The following ADCY5 variants were observed in gnomAD, a reference collection of about 807,000 sequenced individuals.
The protein encoded by ADCY5 is adenylate cyclase type 5.
A neutral mutation model predicts 119.7 loss-of-function variants in ADCY5; 30 were observed. That is an observed-to-expected ratio of 0.25 (90% CI 0.19 to 0.34). The LOEUF (loss-of-function observed/expected upper bound fraction) is 0.34. ADCY5 is among the 10% of genes least tolerant of loss of function. The pLI, the probability that ADCY5 is intolerant of heterozygous loss-of-function variation, is 1.00. For missense variants in ADCY5, 1,324 were observed against 1,775.2 expected (o/e 0.75, Z 4.57); for synonymous variants, 753 against 762.2 (o/e 0.99, Z 0.20).
At chr3:123,340,899 C>T (rs1942249129) in intron 3 of ADCY5, among the ~76,000 whole-genome samples, 1 of 151,682 alleles carries the variant, frequency 6.6e-6, no homozygotes, top group Non-Finnish European at 1.5e-5. Context: ...CTGAGGCAGG[C>T]GGATCACCTG....
At chr3:123,384,944 C>G (rs139588506) in intron 1 of ADCY5, among the ~76,000 whole-genome samples, 104 of 152,190 alleles carry the variant, frequency 6.8e-4, no homozygotes, top group African/African-American at 2.4e-3. Context: ...CCTTGAAGTC[C>G]CTGGGACCCC....
intron 1 of ADCY5, among the ~76,000 whole-genome samples, chr3:123,401,678 A>G (rs1944757828): frequency 6.6e-6 from 1 of 152,060 alleles, no homozygotes; most frequent in Non-Finnish European, 1.5e-5. Context: ...CCTGAGTCCT[A>G]ATCTCCCTCC....
intron 1 of ADCY5, among the ~76,000 whole-genome samples, chr3:123,405,991 G>A (rs1576673520): frequency 1.3e-5 from 2 of 152,136 alleles, no homozygotes; most frequent in East Asian, 1.9e-4. Context: ...ACCCTGGAGG[G>A]ACCGACTGCT....
At chr3:123,354,801 T>G (rs1942981091) in intron 1 of ADCY5, among the ~76,000 whole-genome samples, 1 of 152,068 alleles carries the variant, frequency 6.6e-6, no homozygotes, top group Non-Finnish European at 1.5e-5. Flanking sequence ...TAGTTCAACT[T>G]CAAAAAGCAA....
In ADCY5 at chr3:123,448,356, G is replaced by A; in HGVS notation, c.190C>T (p.Gln64Ter). 1 of 1,515,512 alleles carries A rather than the reference G, an allele frequency of 6.6e-7. No individual in the cohort carries two copies. Among genetic ancestry groups the A allele is most frequent in the South Asian group, 1.2e-5 (1 of 82,150 alleles). 93.9% of individuals were successfully genotyped at this position (1,515,512 alleles called of 1,614,324 possible). The change falls in exon 1 of 21, where the codon CAG becomes TAG. Residue 64 changes from glutamine to a stop codon, truncating the protein, a stop_gained. Coordinates refer to ENST00000462833, the MANE Select transcript of ADCY5 (RefSeq NM_183357.3). LOFTEE classifies it high-confidence loss of function. ...TKKPGGAVTP[Q>*]QQQRLASRWR... ...CGGCTGGCCAGGCGCTGCTGCTGCTGCGGGGTCACCGCCCCCCCGGGTTTC... is the reference window on the plus strand; with the variant it reads ...CGGCTGGCCAGGCGCTGCTGCTGCTACGGGGTCACCGCCCCCCCGGGTTTC...
At chr3:123,401,433 C>A (rs1944749962) in intron 1 of ADCY5, among the ~76,000 whole-genome samples, 1 of 152,158 alleles carries the variant, frequency 6.6e-6, no homozygotes, top group South Asian at 2.1e-4. Context: ...AGGGAAGGGC[C>A]ATTTTTGTGG....
intron 2 of ADCY5, among the ~76,000 whole-genome samples, chr3:123,351,718 A>T (rs1302487631): frequency 2.0e-5 from 3 of 152,186 alleles, no homozygotes; most frequent in Non-Finnish European, 4.4e-5. Flanking sequence ...GTGGGGATCC[A>T]GACCTGGAAT....
intron 1 of ADCY5, among the ~76,000 whole-genome samples, chr3:123,437,037 C>A (rs1181300220): frequency 6.6e-6 from 1 of 151,968 alleles, no homozygotes; most frequent in Non-Finnish European, 1.5e-5. Context: ...TGGGAGGTGA[C>A]CCCGGGAAAC....
At position 123,291,277 on chromosome 3, in the gene ADCY5, G is replaced by A. The variant is rs377330980; in HGVS notation, c.3163C>T (p.Arg1055Cys). 20 of 1,613,850 alleles carry A rather than the reference G, an allele frequency of 1.2e-5. No individual in the cohort carries two copies. In the East Asian group the frequency reaches 2.7e-4, roughly 22 times the overall value. Residue 1055 changes from arginine to cysteine, a missense_variant, in exon 18 of 21, where the codon CGC becomes TGC. By Grantham distance (180) the Arg-to-Cys change is radical (BLOSUM62 -3). This residue lies in a region of ADCY5 where 178 missense variants were observed against 329.6 expected (regional missense o/e 0.54). Transcript: ENST00000462833. ...PKDVAAHFLARERRNDELYYQ... is the reference protein window; with the variant it reads ...PKDVAAHFLACERRNDELYYQ... ...TAGAGCTCATCATTGCGCCGCTCGCGGGCCAGGAAGTGAGCGGCCACGTCC... is the reference window on the plus strand; with the variant it reads ...TAGAGCTCATCATTGCGCCGCTCGCAGGCCAGGAAGTGAGCGGCCACGTCC...
intron 16 of ADCY5, among the ~76,000 whole-genome samples, chr3:123,296,597 G>A (rs188626410): frequency 1.4e-4 from 22 of 152,320 alleles, no homozygotes; most frequent in Admixed American, 1.4e-3. Flanking sequence ...AGGGCACCAC[G>A]CAGGCCATGC....
chr3:123,368,211 G>A (rs1418784878), intron 1 of ADCY5, among the ~76,000 whole-genome samples: 1 of 152,226 alleles, frequency 6.6e-6, no homozygotes, highest in Non-Finnish European at 1.5e-5. Flanking sequence ...AGACACCAAT[G>A]CTAACACGGT....
chr3:123,377,152 C>T (rs984080123), intron 1 of ADCY5, among the ~76,000 whole-genome samples: 22 of 152,340 alleles, frequency 1.4e-4, no homozygotes, highest in Admixed American at 8.5e-4. Flanking sequence ...AAACACACAT[C>T]GGATCATGTA....
At chr3:123,378,135 A>C (rs1174543014) in intron 1 of ADCY5, among the ~76,000 whole-genome samples, 1 of 152,040 alleles carries the variant, frequency 6.6e-6, no homozygotes, top group Admixed American at 6.6e-5. Flanking sequence ...TGAGCCCAGA[A>C]ACCGTTCCTC....
intron 1 of ADCY5, among the ~76,000 whole-genome samples, chr3:123,379,881 C>T (rs985133554): frequency 3.9e-5 from 6 of 152,214 alleles, no homozygotes; most frequent in Non-Finnish European, 8.8e-5. Context: ...ATCAAGCCTA[C>T]TCTAATAGAT....
At chr3:123,419,025 CA>C (rs1309624168) in intron 1 of ADCY5, 4 of 540,036 alleles carry the variant, frequency 7.4e-6, no homozygotes, top group African/African-American at 2.1e-5. Flanking sequence ...AGCTTACAGA[CA>C]ACAGCTCATG....
intron 1 of ADCY5, among the ~76,000 whole-genome samples, chr3:123,411,591 C>T (rs1041377553): frequency 6.6e-6 from 1 of 152,178 alleles, no homozygotes; most frequent in African/African-American, 2.4e-5. Flanking sequence ...CCTCTTATCC[C>T]CAACCCCCAG....
intron 1 of ADCY5, among the ~76,000 whole-genome samples, chr3:123,353,524 G>A (rs937820273): frequency 6.6e-6 from 1 of 152,132 alleles, no homozygotes; most frequent in Non-Finnish European, 1.5e-5. Flanking sequence ...CTAGGCTGTG[G>A]GGGCTTTGAG....
Position 123,447,839 on chromosome 3 carries a change from C to T in ADCY5, c.707G>A (p.Arg236His), listed in dbSNP as rs1045756030. Residue 236 changes from arginine to histidine, a missense_variant, in exon 1 of 21, where the codon CGC becomes CAC. By Grantham distance (29) the Arg-to-His change is conservative (BLOSUM62 0). Coordinates refer to ENST00000462833, the MANE Select transcript of ADCY5 (RefSeq NM_183357.3). ...CATGGTGAGGCTGCTCTGGTTCAGG[C>T]GGAAGAAGTAGCGCTGGTACAGCCG... is the stretch of plus-strand genomic sequence containing the variant. ...LERLYQRYFFRLNQSSLTMLM... is the reference protein window; with the variant it reads ...LERLYQRYFFHLNQSSLTMLM... 5 of 1,612,620 alleles carry T rather than the reference C, an allele frequency of 3.1e-6. No individual in the cohort carries two copies. Among genetic ancestry groups the T allele is most frequent in the Non-Finnish European group, 4.2e-6 (5 of 1,179,734 alleles).
intron 11 of ADCY5, among the ~76,000 whole-genome samples, chr3:123,314,609 C>T (rs1315764165): frequency 6.6e-6 from 1 of 152,212 alleles, no homozygotes; most frequent in African/African-American, 2.4e-5. Flanking sequence ...GACAGCAGCC[C>T]ACAGGAAGCT....
Sources: gnomAD v4.1 joint callset for allele counts (sites outside exome capture counted in the v4.1 genomes callset) on GRCh38, gnomAD v4.1.1 for gene constraint, gnomAD v4.1.1 regional missense constraint, MANE v1.5 for transcripts, NCBI Gene and HGNC (gene_info 2026-07-23, HGNC 2026-07-21) for gene names.